The following PEX5L variants were observed in gnomAD, a reference collection of about 807,000 sequenced individuals.
PEX5L encodes peroxisomal biogenesis factor 5 like.
A neutral mutation model predicts 84.0 loss-of-function variants in PEX5L; 30 were observed. The observed-to-expected ratio is 0.36, with a 90% CI of 0.27 to 0.48. PEX5L has a LOEUF of 0.48. Among genes scored for constraint, PEX5L ranks in the 20% least tolerant of loss-of-function variants. The pLI, the probability that PEX5L is intolerant of heterozygous loss-of-function variation, is 0.99. For missense variants in PEX5L, 533 were observed against 754.6 expected (o/e 0.71, Z 3.44); for synonymous variants, 270 against 283.1 (o/e 0.95, Z 0.46).
chr3:179,944,671 A>C (rs1213423599), intron 2 of PEX5L, among the ~76,000 whole-genome samples: 7 of 152,206 alleles, frequency 4.6e-5, no homozygotes, highest in Non-Finnish European at 1.0e-4. Context: ...TTATAAACCA[A>C]TTCTGGTAAA....
chr3:179,838,953 G>T (rs1383958134), intron 8 of PEX5L, among the ~76,000 whole-genome samples: 2 of 151,858 alleles, frequency 1.3e-5, no homozygotes, highest in Non-Finnish European at 2.9e-5. Context: ...GCTGTTAAAT[G>T]TATTCGTTGT....
chr3:179,819,407 C>T (rs949337909), intron 9 of PEX5L, among the ~76,000 whole-genome samples: 1 of 152,162 alleles, frequency 6.6e-6, no homozygotes, highest in South Asian at 2.1e-4. Flanking sequence ...AGTTTCTTTG[C>T]TGGCTATATA....
intron 8 of PEX5L, among the ~76,000 whole-genome samples, chr3:179,853,399 T>G (rs766752987): frequency 1.3e-5 from 2 of 152,216 alleles, no homozygotes; most frequent in Non-Finnish European, 2.9e-5. Context: ...GAGGTATTTT[T>G]GGCTTGTGGT....
At chr3:179,823,710 T>C (rs1056871353) in intron 8 of PEX5L, among the ~76,000 whole-genome samples, 13 of 152,210 alleles carry the variant, frequency 8.5e-5, no homozygotes, top group Non-Finnish European at 1.6e-4. Flanking sequence ...ATATTCTGTG[T>C]TAGTGGTTTG....
intron 7 of PEX5L, among the ~76,000 whole-genome samples, chr3:179,864,864 T>C (rs967902922): frequency 6.6e-6 from 1 of 152,178 alleles, no homozygotes; most frequent in African/African-American, 2.4e-5. Flanking sequence ...ATTTATATAA[T>C]GTCATGAATG....
chr3:179,979,226 C>T (rs1447837998), intron 1 of PEX5L, among the ~76,000 whole-genome samples: 1 of 144,250 alleles, frequency 6.9e-6, no homozygotes, highest in Non-Finnish European at 1.5e-5. Flanking sequence ...TCCTCTTTCA[C>T]CCTCAAAACC....
At chr3:180,015,279 G>A (rs188634534) in intron 1 of PEX5L, among the ~76,000 whole-genome samples, 2 of 152,096 alleles carry the variant, frequency 1.3e-5, no homozygotes, top group Non-Finnish European at 2.9e-5. Flanking sequence ...AAATAATATT[G>A]TATACAAGGG....
Position 179,966,035 on chromosome 3 carries a change from C to G in PEX5L, c.93+5559G>C, listed in dbSNP as rs549587976. Among the ~76,000 whole-genome samples the G allele has an allele frequency of 2.0e-5, 3 of 152,258 alleles. No homozygotes were observed. The East Asian group carries it at 5.8e-4, about 29-fold the overall frequency. ...TCTTTGTTTACTCCAATGCTGATTT[C>G]AGATAGATAGCAAATTTGAATAGTC... On this transcript the variant is annotated intron_variant, in intron 2 of 14. Coordinates refer to ENST00000467460, the MANE Select transcript of PEX5L (RefSeq NM_016559.3).
At chr3:179,831,950 T>A (rs780851673) in intron 8 of PEX5L, among the ~76,000 whole-genome samples, 1 of 152,178 alleles carries the variant, frequency 6.6e-6, no homozygotes, top group Non-Finnish European at 1.5e-5. Flanking sequence ...AAGCTTGGAC[T>A]TTGTTCTAAG....
intron 1 of PEX5L, among the ~76,000 whole-genome samples, chr3:179,979,664 T>C (rs1367646709): frequency 6.6e-6 from 1 of 152,180 alleles, no homozygotes; most frequent in Non-Finnish European, 1.5e-5. Flanking sequence ...CAATAATCTC[T>C]CCCATCCCCA....
Position 179,919,061 on chromosome 3 carries a change from C to T in PEX5L, c.94-20815G>A, listed in dbSNP as rs186500291. 1.3e-3 allele frequency among the ~76,000 whole-genome samples: 195 copies of T among 152,282 alleles called. 2 individuals are homozygous for T. The highest frequency in any genetic ancestry group is 4.5e-3 in the African/African-American group (189 of 41,554). The stretch of plus-strand genomic sequence containing the variant: ...TGGTCAAGTACTATTTCATTCTATG[C>T]TCTAGTGGCTTCACATCTGTACATC... On this transcript the variant is annotated intron_variant, in intron 2 of 14. Transcript: ENST00000467460.
At chr3:179,901,460 A>G (rs533425295) in intron 2 of PEX5L, among the ~76,000 whole-genome samples, 3 of 152,244 alleles carry the variant, frequency 2.0e-5, no homozygotes, top group Non-Finnish European at 4.4e-5. Context: ...TATAAACTTT[A>G]GATAACATTA....
intron 1 of PEX5L, among the ~76,000 whole-genome samples, chr3:180,021,418 C>T (rs182742339): frequency 5.3e-5 from 8 of 152,258 alleles, no homozygotes; most frequent in Admixed American, 3.3e-4. Context: ...TCCCAGGCCT[C>T]GTTCTCAGGG....
chr3:179,954,517 CT>C (rs796120312), intron 2 of PEX5L, among the ~76,000 whole-genome samples: 6 of 151,808 alleles, frequency 4.0e-5, no homozygotes, highest in South Asian at 2.1e-4. Context: ...TTTCTGGGAC[CT>C]TTTTTTTGTT....
chr3:179,827,867 T>C (rs1042669800), intron 8 of PEX5L, among the ~76,000 whole-genome samples: 1 of 152,192 alleles, frequency 6.6e-6, no homozygotes, highest in Admixed American at 6.5e-5. Flanking sequence ...GACCAAACTT[T>C]AGTCAATCTC....
At chr3:179,908,084 A>G (rs1763877758) in intron 2 of PEX5L, among the ~76,000 whole-genome samples, 1 of 152,170 alleles carries the variant, frequency 6.6e-6, no homozygotes, top group Admixed American at 6.5e-5. Flanking sequence ...GGGAATTCCT[A>G]TTCTAAAATT....
intron 11 of PEX5L, among the ~76,000 whole-genome samples, chr3:179,810,315 C>A (rs1419639790): frequency 6.6e-6 from 1 of 151,838 alleles, no homozygotes; most frequent in Admixed American, 6.6e-5. Context: ...CCTCTACTAC[C>A]AATATATTAA....
intron 8 of PEX5L, among the ~76,000 whole-genome samples, chr3:179,847,081 G>GTGTATATA (rs777216967): frequency 1.6e-4 from 17 of 105,590 alleles, no homozygotes; most frequent in African/African-American, 4.2e-4. Flanking sequence ...GTGTGTGTGT[G>GTGTATATA]TATATATATA....
chr3:179,838,007 T>G (rs1486728158), intron 8 of PEX5L, among the ~76,000 whole-genome samples: 1 of 152,200 alleles, frequency 6.6e-6, no homozygotes, highest in African/African-American at 2.4e-5. Flanking sequence ...TTTAAATGTT[T>G]GCATGTAGCC....
Sources: gnomAD v4.1 joint callset for allele counts (sites outside exome capture counted in the v4.1 genomes callset) on GRCh38, gnomAD v4.1.1 for gene constraint, MANE v1.5 for transcripts, NCBI Gene and HGNC (gene_info 2026-07-23, HGNC 2026-07-21) for gene names.